The following HERC6 variants were observed in gnomAD, a reference collection of about 807,000 sequenced individuals.
HERC6 encodes the protein probable E3 ubiquitin-protein ligase HERC6.
HERC6 carries 101 observed loss-of-function variants against 114.5 expected under a neutral mutation model. That is an observed-to-expected ratio of 0.88 (90% confidence interval 0.75 to 1.04). The LOEUF is 1.04. Among genes scored for constraint, HERC6 ranks in the 50% least tolerant of loss-of-function variants. The pLI is 0.00. For missense variants in HERC6, 1,133 were observed against 1,230.9 expected (o/e 0.92, Z 1.19); for synonymous variants, 408 against 436.2 (o/e 0.94, Z 0.81).
At chr4:88,433,052 C>G (rs767889253) in intron 17 of HERC6, among the ~76,000 whole-genome samples, 20 of 152,082 alleles carry the variant, frequency 1.3e-4, no homozygotes, top group Non-Finnish European at 2.6e-4. Flanking sequence ...CGCACCACTG[C>G]CCTCCAGCCT....
intron 8 of HERC6, among the ~76,000 whole-genome samples, chr4:88,401,077 T>C (rs1290416522): frequency 6.6e-6 from 1 of 152,174 alleles, no homozygotes; most frequent in Non-Finnish European, 1.5e-5. Flanking sequence ...GAAGGAAACC[T>C]GACCCGAGTG....
chr4:88,396,342 T>A (rs1319500186), intron 6 of HERC6, among the ~76,000 whole-genome samples, 200 bp downstream of exon 6: 1 of 152,218 alleles, frequency 6.6e-6, no homozygotes, highest in East Asian at 1.9e-4. Context: ...TAATTGGAAG[T>A]CTACTGTGTA....
intron 9 of HERC6, 122 bp downstream of exon 9, chr4:88,405,119 T>C (rs1408381342): frequency 8.3e-7 from 1 of 1,206,220 alleles, no homozygotes; most frequent in Admixed American, 2.3e-5. Flanking sequence ...ATGATTCTCT[T>C]CTACAGCCTC....
intron 15 of HERC6, among the ~76,000 whole-genome samples, chr4:88,425,143 G>A (rs751242414): frequency 6.6e-6 from 1 of 152,134 alleles, no homozygotes; most frequent in Non-Finnish European, 1.5e-5. Context: ...AGGGCACTTG[G>A]TTCCTCCAAA....
chr4:88,421,275 A>G (rs1459122494), intron 13 of HERC6, among the ~76,000 whole-genome samples: 1 of 152,150 alleles, frequency 6.6e-6, no homozygotes, highest in African/African-American at 2.4e-5. Flanking sequence ...TTTTGTGTAG[A>G]CATGTTTTCA....
At chr4:88,383,002 AT>A (rs1415068804) in intron 1 of HERC6, among the ~76,000 whole-genome samples, 2 of 152,176 alleles carry the variant, frequency 1.3e-5, no homozygotes, top group Non-Finnish European at 2.9e-5. Flanking sequence ...CCTGTTGATT[AT>A]TTTAACAGAG....
intron 19 of HERC6, among the ~76,000 whole-genome samples, chr4:88,437,365 C>A (rs557965515): frequency 3.3e-5 from 5 of 152,148 alleles, no homozygotes; most frequent in Admixed American, 2.0e-4. Context: ...CCCCTGGGAT[C>A]CCTTTTTTAA....
intron 13 of HERC6, among the ~76,000 whole-genome samples, chr4:88,421,588 CAG>C (rs1382379772): frequency 2.0e-5 from 3 of 151,970 alleles, no homozygotes; most frequent in Admixed American, 1.3e-4. Flanking sequence ...GCTGGCATTA[CAG>C]GTGTACACCC....
At chr4:88,383,699 G>A (rs1433183975) in intron 2 of HERC6, among the ~76,000 whole-genome samples, 1 of 142,242 alleles carries the variant, frequency 7.0e-6, no homozygotes, top group East Asian at 2.2e-4. Flanking sequence ...GGAGGCAGAG[G>A]TTGCAGTGGT....
intron 5 of HERC6, among the ~76,000 whole-genome samples, chr4:88,394,011 A>G (rs1266939313): frequency 6.6e-6 from 1 of 152,140 alleles, no homozygotes; most frequent in Non-Finnish European, 1.5e-5. Context: ...TTCTGGGGGG[A>G]TGCAAACATT....
At position 88,378,979 on chromosome 4, in the gene HERC6, A is replaced by G; in HGVS notation, c.58A>G (p.Ser20Gly). 6.3e-7 allele frequency: 1 copy of G among 1,583,900 alleles called. No homozygotes were observed. Among genetic ancestry groups the G allele is most frequent in the Non-Finnish European group, 8.6e-7 (1 of 1,166,590 alleles). ...GCTGCAGCGCCGGAGGACGGCGGGC[A>G]GCCCCGGGGCTGAGCTACTGCAGGC... ...RELQRRRTAG[S>G]PGAELLQAAS... The change falls in exon 1 of 23, where the codon AGC (serine) becomes GGC (glycine). Residue 20 changes from serine (S) to glycine (G), a missense_variant. Transcript: ENST00000264346.
rs796162945 is a variant in HERC6 at position 88,434,781 on chromosome 4, C to A, written c.2251-944C>A. On this transcript the variant is annotated intron_variant, in intron 17 of 22. Coordinates refer to ENST00000264346, the MANE Select transcript of HERC6 (RefSeq NM_017912.4). ...AAACAGAGACAAAAAAAAAAAAAAA[C>A]CAAAACAAAACACCCTGATTTGTGT... is the stretch of plus-strand genomic sequence containing the variant. Among the ~76,000 whole-genome samples the A allele has an allele frequency of 1.9e-3, 265 of 136,002 alleles. 1 individual carries two copies. The highest frequency in any genetic ancestry group is 2.0e-3 in the Non-Finnish European group (127 of 62,258). 89.2% of individuals were successfully genotyped at this position (136,002 alleles called of 152,430 possible). A position where few individuals can be genotyped will look rare whatever the true frequency, so the allele number is the denominator to read the frequency against.
At chr4:88,430,505 G>T (rs568360039) in intron 16 of HERC6, among the ~76,000 whole-genome samples, 1 of 152,108 alleles carries the variant, frequency 6.6e-6, no homozygotes, top group Non-Finnish European at 1.5e-5. Flanking sequence ...AGGAGGTGGA[G>T]ATTGCAGTAA....
chr4:88,431,380 T>TAG (rs971095702), intron 17 of HERC6, 75 bp downstream of exon 17: 1 of 1,458,624 alleles, frequency 6.9e-7, no homozygotes, highest in Non-Finnish European at 9.2e-7. Context: ...ACACCATAGA[T>TAG]AGTGGTGTAA....
chr4:88,424,558 T>G (rs1179978107), intron 14 of HERC6, 37 bp from the exon 15 acceptor site: 2 of 1,450,852 alleles, frequency 1.4e-6, no homozygotes, highest in African/African-American at 2.9e-5. Flanking sequence ...TTCATTGTTT[T>G]TAATTATCAA....
chr4:88,427,785 T>A (rs1737775951), intron 15 of HERC6, among the ~76,000 whole-genome samples: 1 of 152,184 alleles, frequency 6.6e-6, no homozygotes, highest in African/African-American at 2.4e-5. Flanking sequence ...AGGGCTACAT[T>A]GGTTTGAGTT....
Position 88,428,717 on chromosome 4 carries a change from A to G in HERC6, c.2073A>G (p.Gln691=), listed in dbSNP as rs1186155527. 2 of 1,586,648 alleles carry G rather than the reference A, an allele frequency of 1.3e-6. No homozygotes were observed. Among genetic ancestry groups the G allele is most frequent in the African/African-American group, 1.4e-5 (1 of 74,046 alleles). Reference sequence around the variant, plus strand: ...AAGATGCTCTGCGTCAATTAAGTCAAGCTGAAGCTACTGACTTCTGCAAAG... The same window carrying G: ...AAGATGCTCTGCGTCAATTAAGTCAGGCTGAAGCTACTGACTTCTGCAAAG... ...LVKDALRQLS[Q]AEATDFCKVL... is the part of the protein sequence containing the mutation. Residue 691 remains glutamine, a synonymous_variant, in exon 16 of 23, where the codon CAA becomes CAG. Coordinates refer to ENST00000264346, the MANE Select transcript of HERC6 (RefSeq NM_017912.4).
intron 1 of HERC6, among the ~76,000 whole-genome samples, chr4:88,381,133 G>T (rs974104719): frequency 6.6e-6 from 1 of 151,920 alleles, no homozygotes; most frequent in Non-Finnish European, 1.5e-5. Context: ...TGATATTCTC[G>T]TAAGCAAATA....
intron 8 of HERC6, chr4:88,398,567 G>C (rs1735370889): frequency 6.1e-6 from 1 of 163,888 alleles, no homozygotes; most frequent in Non-Finnish European, 1.3e-5. Flanking sequence ...GTGAAGGAAG[G>C]GTTTCTGACA....
Sources: gnomAD v4.1 joint callset for allele counts (sites outside exome capture counted in the v4.1 genomes callset) on GRCh38, gnomAD v4.1.1 for gene constraint, MANE v1.5 for transcripts, NCBI Gene and HGNC (gene_info 2026-07-23, HGNC 2026-07-21) for gene names.